The following RAP1GDS1 variants were observed in gnomAD, a reference collection of about 807,000 sequenced individuals.
RAP1GDS1 encodes the protein RAP1, GTP-GDP dissociation stimulator 1.
A neutral mutation model predicts 71.1 loss-of-function variants in RAP1GDS1; 35 were observed. That is an observed-to-expected ratio of 0.49 (90% confidence interval 0.38 to 0.65). RAP1GDS1 has a LOEUF of 0.65. RAP1GDS1 is among the 30% of genes least tolerant of loss of function. The pLI is 0.00. For synonymous variants in RAP1GDS1, 229 were observed against 243.1 expected (o/e 0.94, Z 0.54); for missense variants, 663 against 706.1 (o/e 0.94, Z 0.69).
At chr4:98,373,876 C>T (rs781471523) in intron 4 of RAP1GDS1, among the ~76,000 whole-genome samples, 8 of 152,148 alleles carry the variant, frequency 5.3e-5, no homozygotes, top group Admixed American at 2.6e-4. Flanking sequence ...ACTGCGATAC[C>T]GTGACAGCTG....
In RAP1GDS1 at chr4:98,327,375, A is replaced by G. The variant is rs543658422; in HGVS notation, c.113-15764A>G. ...TTTGAGATAATTATCCTTGGCTACAAGGATCACACTGGTCTGAGGTTGGAC... is the reference window on the plus strand; with the variant it reads ...TTTGAGATAATTATCCTTGGCTACAGGGATCACACTGGTCTGAGGTTGGAC... On this transcript the variant is annotated intron_variant, in intron 2 of 14. Coordinates refer to ENST00000408927, the MANE Select transcript of RAP1GDS1 (RefSeq NM_001100427.2). Among the ~76,000 whole-genome samples the G allele has an allele frequency of 4.6e-4, 70 of 152,358 alleles. No individual in the cohort carries two copies. The South Asian group carries it at 0.014, about 30-fold the overall frequency.
In RAP1GDS1 at chr4:98,313,086, A is replaced by G. The variant is rs1042769287; in HGVS notation, c.112+19571A>G. On this transcript the variant is annotated intron_variant, in intron 2 of 14. Transcript: ENST00000408927. ...TCTGTCTCAAAAAAAAAAAAAAAAAAAAAAAAAAAAAGAAATTGGCTCATG... is the reference window on the plus strand; with the variant it reads ...TCTGTCTCAAAAAAAAAAAAAAAAAGAAAAAAAAAAAGAAATTGGCTCATG... 2.0e-3 allele frequency among the ~76,000 whole-genome samples: 309 copies of G among 150,816 alleles called. 2 individuals carry two copies. The highest frequency in any genetic ancestry group is 7.1e-3 in the African/African-American group (292 of 41,142).
intron 7 of RAP1GDS1, among the ~76,000 whole-genome samples, chr4:98,412,483 C>T (rs892815658): frequency 6.6e-6 from 1 of 152,136 alleles, no homozygotes; most frequent in Non-Finnish European, 1.5e-5. Context: ...CCACTGCGCT[C>T]CAGCCTGGGC....
chr4:98,330,164 A>G (rs1733739850), intron 2 of RAP1GDS1, among the ~76,000 whole-genome samples: 2 of 152,248 alleles, frequency 1.3e-5, no homozygotes, highest in African/African-American at 4.8e-5. Context: ...ACAGCATCCC[A>G]AGGCAGAAGA....
chr4:98,302,258 A>G (rs1054151207), intron 2 of RAP1GDS1, among the ~76,000 whole-genome samples: 3 of 152,224 alleles, frequency 2.0e-5, no homozygotes, highest in African/African-American at 7.2e-5. Context: ...CAAGTTATAA[A>G]TTCAGAAACT....
rs1322563607 is a variant in RAP1GDS1 at position 98,443,230 on chromosome 4, C to T, written c.*1113C>T. ...ATTCTGCAGATGGCCCCATACCAAT[C>T]GCTGTTAGAGTTTGCCACCTCCACT... On this transcript the variant is annotated 3_prime_UTR_variant, in exon 15 of 15. Coordinates refer to ENST00000408927, the MANE Select transcript of RAP1GDS1 (RefSeq NM_001100427.2). The T allele has an allele frequency of 8.6e-6, 2 of 232,298 alleles. No individual in the cohort carries two copies. The highest frequency in any genetic ancestry group is 1.7e-5 in the Non-Finnish European group (2 of 117,696). The allele number at this position is 232,298 out of a possible 1,614,324, so 14.4% of individuals were successfully genotyped here.
At chr4:98,277,280 C>T (rs1420779155) in intron 1 of RAP1GDS1, among the ~76,000 whole-genome samples, 4 of 152,152 alleles carry the variant, frequency 2.6e-5, no homozygotes, top group African/African-American at 7.2e-5. Context: ...ACTTTCTGCT[C>T]CCCAGTCCTT....
At chr4:98,301,324 G>A (rs1012698925) in intron 2 of RAP1GDS1, among the ~76,000 whole-genome samples, 1 of 152,020 alleles carries the variant, frequency 6.6e-6, no homozygotes, top group Non-Finnish European at 1.5e-5. Context: ...GACAGCATTT[G>A]GAGAATATAG....
At chr4:98,286,908 A>G (rs63391061) in intron 1 of RAP1GDS1, among the ~76,000 whole-genome samples, 8 of 148,960 alleles carry the variant, frequency 5.4e-5, no homozygotes, top group African/African-American at 2.0e-4. Flanking sequence ...AAAAAAAAAA[A>G]AAGAATGAAT....
chr4:98,363,954 G>A (rs1283905650), intron 4 of RAP1GDS1, among the ~76,000 whole-genome samples: 1 of 152,134 alleles, frequency 6.6e-6, no homozygotes, highest in Non-Finnish European at 1.5e-5. Flanking sequence ...TCTAGGACTT[G>A]AGTACCTGGA....
At chr4:98,328,387 A>C (rs1001019575) in intron 2 of RAP1GDS1, among the ~76,000 whole-genome samples, 1 of 152,180 alleles carries the variant, frequency 6.6e-6, no homozygotes, top group African/African-American at 2.4e-5. Flanking sequence ...CTTGGGAAAA[A>C]CCGTCTACCA....
At chr4:98,281,951 G>T (rs1351599516) in intron 1 of RAP1GDS1, among the ~76,000 whole-genome samples, 1 of 152,174 alleles carries the variant, frequency 6.6e-6, no homozygotes, top group Admixed American at 6.5e-5. Context: ...GCATCCCAGG[G>T]ATGAAGCCAA....
intron 3 of RAP1GDS1, among the ~76,000 whole-genome samples, chr4:98,349,820 A>T (rs1736884194): frequency 6.6e-6 from 1 of 151,560 alleles, no homozygotes; most frequent in Admixed American, 6.6e-5. Flanking sequence ...TTTTAAACAG[A>T]TTCTTAAACA....
intron 2 of RAP1GDS1, among the ~76,000 whole-genome samples, chr4:98,306,174 A>G (rs999156139): frequency 9.9e-5 from 15 of 152,184 alleles, no homozygotes; most frequent in Non-Finnish European, 1.9e-4. Context: ...CAGTAACCCA[A>G]TGTGTCCATC....
chr4:98,398,477 G>A (rs1744882179), intron 6 of RAP1GDS1, among the ~76,000 whole-genome samples: 1 of 152,112 alleles, frequency 6.6e-6, no homozygotes, highest in Non-Finnish European at 1.5e-5. Context: ...TAGAGAGGAT[G>A]GGGGAAGTAA....
At chr4:98,406,965 G>A (rs368904343) in intron 7 of RAP1GDS1, among the ~76,000 whole-genome samples, 103 of 152,110 alleles carry the variant, frequency 6.8e-4, no homozygotes, top group Middle Eastern at 3.4e-3. Flanking sequence ...CAGATCTTAC[G>A]TGTTACAAGT....
intron 2 of RAP1GDS1, among the ~76,000 whole-genome samples, chr4:98,304,668 C>G (rs1729066571): frequency 1.3e-5 from 2 of 152,028 alleles, no homozygotes; most frequent in African/African-American, 2.4e-5. Context: ...ATGGTAGTTT[C>G]TTTTGCTGCG....
At chr4:98,318,809 G>A (rs1047061476) in intron 2 of RAP1GDS1, among the ~76,000 whole-genome samples, 3 of 152,198 alleles carry the variant, frequency 2.0e-5, no homozygotes, top group Non-Finnish European at 2.9e-5. Context: ...AGATGGAAGT[G>A]TGAGATTTCA....
chr4:98,299,440 C>G (rs1421552858), intron 2 of RAP1GDS1, among the ~76,000 whole-genome samples: 1 of 152,058 alleles, frequency 6.6e-6, no homozygotes, highest in Admixed American at 6.6e-5. Flanking sequence ...TTAATTCCCT[C>G]TATTATGGAT....
Sources: gnomAD v4.1 joint callset for allele counts (sites outside exome capture counted in the v4.1 genomes callset) on GRCh38, gnomAD v4.1.1 for gene constraint, MANE v1.5 for transcripts, NCBI Gene and HGNC (gene_info 2026-07-23, HGNC 2026-07-21) for gene names.